Variants in MCTP2 observed in about 807,000 individuals in gnomAD.
MCTP2 encodes multiple C2 and transmembrane domain-containing protein 2.
Under a neutral mutation model 111.6 loss-of-function variants are expected in MCTP2, and 132 were observed. The ratio of observed to expected loss-of-function variants is 1.18; its 90% CI spans 1.03 to 1.37. The LOEUF (loss-of-function observed/expected upper bound fraction) is 1.37. Ranked by LOEUF, MCTP2 falls within the 40% of genes most tolerant of loss-of-function variation. The probability of loss-of-function intolerance (pLI) is 0.00; values close to 1 mark genes in which losing one functional copy is unlikely to be tolerated. For missense variants in MCTP2, 1,183 were observed against 1,067.9 expected (o/e 1.11, Z -1.50); for synonymous variants, 395 against 387.7 (o/e 1.02, Z -0.22).
chr15:94,245,712 G>T (rs2071930214), intron 1 of MCTP2, among the ~76,000 whole-genome samples: 1 of 143,042 alleles, frequency 7.0e-6, no homozygotes, highest in African/African-American at 2.6e-5. Context: ...ATGTGTGTGT[G>T]TGTGTATATA....
intron 2 of MCTP2, among the ~76,000 whole-genome samples, chr15:94,313,825 A>G (rs527528673): frequency 6.6e-6 from 1 of 152,292 alleles, no homozygotes; most frequent in South Asian, 2.1e-4. Context: ...CCATGAAGGT[A>G]TGGCTTGAGG....
At chr15:94,250,268 A>G (rs1041546204) in intron 1 of MCTP2, among the ~76,000 whole-genome samples, 1 of 152,204 alleles carries the variant, frequency 6.6e-6, no homozygotes, top group Non-Finnish European at 1.5e-5. Flanking sequence ...ATCTAAAAAT[A>G]TATCACTTAA....
intron 20 of MCTP2, among the ~76,000 whole-genome samples, chr15:94,461,504 G>C (rs79972050): frequency 0.014 from 2,117 of 152,214 alleles, 56 homozygotes; most frequent in African/African-American, 0.048. Flanking sequence ...ATTTATGCTA[G>C]ACAGCAGGCA....
chr15:94,299,442 A>G (rs1431763582), intron 2 of MCTP2, among the ~76,000 whole-genome samples: 2 of 152,072 alleles, frequency 1.3e-5, no homozygotes, highest in Non-Finnish European at 2.9e-5. Context: ...TAGGATTTGA[A>G]CTTCCTTCTA....
At chr15:94,281,243 C>T (rs2074469338) in intron 1 of MCTP2, among the ~76,000 whole-genome samples, 1 of 152,092 alleles carries the variant, frequency 6.6e-6, no homozygotes, top group Non-Finnish European at 1.5e-5. Context: ...TCTGGCTGCT[C>T]CAGTGTTGGG....
chr15:94,236,516 G>T (rs2070580858), intron 1 of MCTP2, among the ~76,000 whole-genome samples: 1 of 150,450 alleles, frequency 6.6e-6, no homozygotes, highest in Non-Finnish European at 1.5e-5. Flanking sequence ...TAAACCTAAG[G>T]TTGCTGTGCC....
intron 14 of MCTP2, among the ~76,000 whole-genome samples, chr15:94,396,646 G>C (rs2081298000): frequency 6.6e-6 from 1 of 152,056 alleles, no homozygotes; most frequent in South Asian, 2.1e-4. Flanking sequence ...ATTCAAATGT[G>C]TTCACCTGTT....
chr15:94,296,901 G>A (rs1189370704), intron 1 of MCTP2, among the ~76,000 whole-genome samples: 1 of 152,160 alleles, frequency 6.6e-6, no homozygotes, highest in Non-Finnish European at 1.5e-5. Context: ...ATTAGGCAAG[G>A]GCTATAGAGA....
At chr15:94,314,781 A>T (rs1222442462) in intron 3 of MCTP2, 1 of 457,120 alleles carries the variant, frequency 2.2e-6, no homozygotes, top group African/African-American at 2.0e-5. Context: ...TGTAATACAT[A>T]TTCAAAAACA....
intron 1 of MCTP2, among the ~76,000 whole-genome samples, chr15:94,277,665 G>T (rs188833912): frequency 1.3e-5 from 2 of 152,128 alleles, no homozygotes; most frequent in Non-Finnish European, 2.9e-5. Context: ...AGAGGTTCAG[G>T]GGGAGGTAAG....
intron 12 of MCTP2, among the ~76,000 whole-genome samples, chr15:94,378,027 CTT>C (rs1345277755): frequency 6.6e-6 from 1 of 151,974 alleles, no homozygotes; most frequent in Non-Finnish European, 1.5e-5. Context: ...GACATAGGAG[CTT>C]CTGGGCCAGG....
chr15:94,241,475 C>T (rs935504742), intron 1 of MCTP2, among the ~76,000 whole-genome samples: 25 of 152,152 alleles, frequency 1.6e-4, no homozygotes, highest in African/African-American at 5.8e-4. Context: ...TAAATCTGGC[C>T]AGTCGGAAAA....
rs58434173 is a variant in MCTP2 at position 94,253,733 on chromosome 15, CTT to C, written c.-66+22079_-66+22080del. The stretch of plus-strand genomic sequence containing the variant: ...TAATAGTCTCTCTCTTAAAGTCTCT[CTT>C]TTTTTTTTTAATGCACAAAATGTAA... On this transcript the variant is annotated intron_variant, in intron 1 of 22. Coordinates refer to ENST00000357742, the MANE Select transcript of MCTP2 (RefSeq NM_001385001.1). Among the ~76,000 whole-genome samples, 12 of 147,204 alleles carry C rather than the reference CTT, an allele frequency of 8.2e-5. No homozygotes were observed. In the South Asian group the frequency reaches 1.1e-3, roughly 13 times the overall value.
intron 1 of MCTP2, among the ~76,000 whole-genome samples, chr15:94,269,297 CT>C (rs2073779063): frequency 6.6e-6 from 1 of 152,108 alleles, no homozygotes; most frequent in Admixed American, 6.5e-5. Flanking sequence ...TTTAAGTCAT[CT>C]TTTTCAGTAA....
At chr15:94,463,654 G>T (rs2085347816) in intron 20 of MCTP2, among the ~76,000 whole-genome samples, 1 of 152,200 alleles carries the variant, frequency 6.6e-6, no homozygotes, top group East Asian at 1.9e-4. Flanking sequence ...CTTTTCTCAT[G>T]GGATCTCAGA....
chr15:94,435,792 C>T lies in MCTP2; in HGVS notation c.2086-4384C>T, dbSNP rs1448196205. On this transcript the variant is annotated intron_variant, in intron 17 of 22. Transcript: ENST00000357742. ...GATTACAGGCGCCCGCCACTACACC[C>T]GGCTAATTTTTTGTATTTTTAGTAG... Among the ~76,000 whole-genome samples the T allele has an allele frequency of 9.0e-5, 13 of 144,050 alleles. 2 individuals carry two copies. Among genetic ancestry groups the T allele is most frequent in the Admixed American group, 6.2e-4 (9 of 14,496 alleles). 94.5% of individuals were successfully genotyped at this position (144,050 alleles called of 152,430 possible).
chr15:94,305,139 T>TTTAGGA (rs2075820276), intron 2 of MCTP2, among the ~76,000 whole-genome samples: 1 of 151,678 alleles, frequency 6.6e-6, no homozygotes, highest in South Asian at 2.1e-4. Flanking sequence ...CTTTAGGAGG[T>TTTAGGA]GATTAAGGAT....
At chr15:94,374,968 C>T (rs569837003) in intron 12 of MCTP2, among the ~76,000 whole-genome samples, 5 of 152,232 alleles carry the variant, frequency 3.3e-5, no homozygotes, top group Admixed American at 1.3e-4. Flanking sequence ...TTGTTCAATC[C>T]GTTTTCACAT....
At chr15:94,242,813 A>G (rs574522964) in intron 1 of MCTP2, among the ~76,000 whole-genome samples, 21 of 151,198 alleles carry the variant, frequency 1.4e-4, no homozygotes, top group African/African-American at 4.1e-4. Flanking sequence ...TATTGGGTTT[A>G]GTGGTTTCTT....
Sources: allele counts gnomAD v4.1 joint callset (sites outside exome capture counted in the v4.1 genomes callset), GRCh38; gene constraint gnomAD v4.1.1; transcripts MANE v1.5; gene names NCBI Gene and HGNC (gene_info 2026-07-23, HGNC 2026-07-21).